KLF11: variants seen among roughly 807,000 people sequenced by gnomAD.
KLF11 encodes KLF transcription factor 11, also known as Krueppel-like factor 11.
Under a neutral mutation model 29.9 loss-of-function variants are expected in KLF11, and 26 were observed. The ratio of observed to expected loss-of-function variants is 0.87; its 90% CI spans 0.64 to 1.21. KLF11 has a LOEUF of 1.21. KLF11 is among the 50% of genes most tolerant of loss of function. The pLI, the probability that KLF11 is intolerant of heterozygous loss-of-function variation, is 0.00. For missense variants in KLF11, 778 were observed against 665.7 expected (o/e 1.17, Z -1.86); for synonymous variants, 318 against 257.4 (o/e 1.24, Z -2.25).
chr2:10,053,958 T>G lies in KLF11; in HGVS notation c.*1451T>G, dbSNP rs545928390. On this transcript the variant is annotated 3_prime_UTR_variant, in exon 4 of 4. Transcript: ENST00000305883. ...GTTAATTACCAGCATTTACCTTTAT[T>G]TAAATGATGGTAAGGTGGAATATTG... The G allele has an allele frequency of 6.6e-6, 1 of 152,412 alleles. No individual in the cohort carries two copies. Among genetic ancestry groups the G allele is most frequent in the South Asian group, 2.1e-4 (1 of 4,832 alleles). The allele number at this position is 152,412 out of a possible 1,614,324, so 9.4% of individuals were successfully genotyped here. A position where few individuals can be genotyped will look rare whatever the true frequency, so the allele number is the denominator to read the frequency against.
intron 3 of KLF11, among the ~76,000 whole-genome samples, chr2:10,051,931 A>G (rs369196546): frequency 7.9e-5 from 12 of 152,300 alleles, no homozygotes; most frequent in Admixed American, 3.9e-4. Flanking sequence ...CAGCCTCCCA[A>G]AGTGCTGCGA....
At chr2:10,043,865 A>G (rs2125274574) in intron 1 of KLF11, 107 bp downstream of exon 1, 3 of 1,131,254 alleles carry the variant, frequency 2.7e-6, no homozygotes, top group Non-Finnish European at 3.3e-6. Flanking sequence ...TGGGGCGTGC[A>G]GGGCTTCGCT....
At position 10,044,163 on chromosome 2, in the gene KLF11, T is replaced by C. The variant is rs1317721663; in HGVS notation, c.42+405T>C. On this transcript the variant is annotated intron_variant, in intron 1 of 3. Coordinates refer to ENST00000305883, the MANE Select transcript of KLF11 (RefSeq NM_003597.5). ...TGCTGGCGGGAACGCGGCACGGTTTTGGGGGCGGGGCACGCGGCCGTCGGG... is the reference window on the plus strand; with the variant it reads ...TGCTGGCGGGAACGCGGCACGGTTTCGGGGGCGGGGCACGCGGCCGTCGGG... 2.2e-4 allele frequency: 128 copies of C among 572,836 alleles called. No individual in the cohort carries two copies. In the African/African-American group the frequency reaches 6.3e-3, roughly 28 times the overall value. 35.5% of individuals were successfully genotyped at this position (572,836 alleles called of 1,614,324 possible).
At position 10,046,216 on chromosome 2, in the gene KLF11, T is replaced by TG. The variant is rs751475306; in HGVS notation, c.110dup (p.Cys37TrpfsTer29). 1 of 1,614,198 alleles carries TG rather than the reference T, an allele frequency of 6.2e-7. No individual in the cohort carries two copies. Among genetic ancestry groups the TG allele is most frequent in the Non-Finnish European group, 8.5e-7 (1 of 1,180,038 alleles). On this transcript the variant is annotated frameshift_variant, in exon 2 of 4. Coordinates refer to ENST00000305883, the MANE Select transcript of KLF11 (RefSeq NM_003597.5). LOFTEE classifies it high-confidence loss of function. ...GCGGCATGACAGCGAAAGGTCTACT[T>TG]GCAGCATCTTGGAGCAGACAGACAT...
In KLF11 at chr2:10,046,542, G is replaced by T. The variant is rs887406514; in HGVS notation, c.312+123G>T. ...GGCAAATAAGTTGCGTATCCTCTCT[G>T]TGTGGGTCTGAAGGAGTAGAAACTC... On this transcript the variant is annotated intron_variant, in intron 2 of 3. Transcript: ENST00000305883. 5 of 1,084,810 alleles carry T rather than the reference G, an allele frequency of 4.6e-6. No individual in the cohort carries two copies. In the Admixed American group the frequency reaches 5.8e-5, roughly 13 times the overall value. The allele number at this position is 1,084,810 out of a possible 1,614,324, so 67.2% of individuals were successfully genotyped here.
At chr2:10,046,119 C>G (rs962059701) in intron 1 of KLF11, 31 bp from the exon 2 acceptor site, 1 of 1,612,512 alleles carries the variant, frequency 6.2e-7, no homozygotes, top group Non-Finnish European at 8.5e-7. Context: ...TTCCCCTGCA[C>G]TGAGAAGCCG....
At position 10,043,575 on chromosome 2, in the gene KLF11, G is replaced by A. The variant is rs1394956243; in HGVS notation, c.-142G>A. ...GCCGCGAGGGCCGCGCCGGGGCAGA[G>A]CCGCGCGGGCGGGCGAGGCGCGTGC... On this transcript the variant is annotated 5_prime_UTR_variant, in exon 1 of 4. Transcript: ENST00000305883. The A allele has an allele frequency of 2.1e-5, 9 of 423,632 alleles. No individual in the cohort carries two copies. The highest frequency in any genetic ancestry group is 2.5e-5 in the Non-Finnish European group (8 of 320,018). The allele number at this position is 423,632 out of a possible 1,614,324, so 26.2% of individuals were successfully genotyped here.
At position 10,043,643 on chromosome 2, in the gene KLF11, A is replaced by C; in HGVS notation, c.-74A>C. The C allele has an allele frequency of 9.5e-7, 1 of 1,051,570 alleles. No individual in the cohort carries two copies. The highest frequency in any genetic ancestry group is 1.2e-6 in the Non-Finnish European group (1 of 860,100). 65.1% of individuals were successfully genotyped at this position (1,051,570 alleles called of 1,614,324 possible). On this transcript the variant is annotated 5_prime_UTR_variant, in exon 1 of 4. Transcript: ENST00000305883. ...GGTTGCCGCCGCCGCCGCCGCCCGC[A>C]GCCCACGTGCGGCCGCTGCTGCGCC...
At chr2:10,048,908 CTTTT>C (rs58347649) in intron 3 of KLF11, among the ~76,000 whole-genome samples, 147 of 121,632 alleles carry the variant, frequency 1.2e-3, no homozygotes, top group African/African-American at 3.4e-3. Flanking sequence ...ACGTTTCATC[CTTTT>C]TTTTTTTTTT....
intron 1 of KLF11, chr2:10,044,506 G>A: frequency 1.1e-6 from 1 of 926,938 alleles, no homozygotes; most frequent in Non-Finnish European, 1.3e-6. Context: ...TAGTGGCGCA[G>A]CCTGCGGGAC....
At position 10,043,654 on chromosome 2, in the gene KLF11, G is replaced by A; in HGVS notation, c.-63G>A. ...CCGCCGCCGCCCGCAGCCCACGTGCGGCCGCTGCTGCGCCCGAGCTCACGC... is the reference window on the plus strand; with the variant it reads ...CCGCCGCCGCCCGCAGCCCACGTGCAGCCGCTGCTGCGCCCGAGCTCACGC... On this transcript the variant is annotated 5_prime_UTR_variant, in exon 1 of 4. Coordinates refer to ENST00000305883, the MANE Select transcript of KLF11 (RefSeq NM_003597.5). 5.1e-6 allele frequency: 6 copies of A among 1,174,224 alleles called. No individual in the cohort carries two copies. Among genetic ancestry groups the A allele is most frequent in the African/African-American group, 1.6e-5 (1 of 60,778 alleles). 72.7% of individuals were successfully genotyped at this position (1,174,224 alleles called of 1,614,324 possible).
intron 3 of KLF11, 25 bp from the exon 4 acceptor site, chr2:10,052,187 CGTTTCCTTTCTCTTT>C (rs1184194532): frequency 7.5e-6 from 12 of 1,595,568 alleles, no homozygotes; most frequent in Non-Finnish European, 1.0e-5. Flanking sequence ...AGGTGCTTAG[CGTTTCCTTTCTCTTT>C]AATATGTATT....
rs775826346 is a variant in KLF11, at chr2:10,052,302, G to T, written c.1334G>T (p.Arg445Leu). Residue 445 changes from arginine to leucine, a missense_variant, in exon 4 of 4, where the codon CGC (arginine) becomes CTC (leucine). By Grantham distance (102) the Arg-to-Leu change is moderately radical (BLOSUM62 -2). Coordinates refer to ENST00000305883, the MANE Select transcript of KLF11 (RefSeq NM_003597.5). ...FARSDELSRH[R>L]RTHTGEKKFV... Reference sequence around the variant, plus strand: ...CGTTCGGATGAGCTGTCACGCCACCGCAGAACTCACACAGGGGAGAAGAAG... The same window carrying T: ...CGTTCGGATGAGCTGTCACGCCACCTCAGAACTCACACAGGGGAGAAGAAG... 1 of 1,614,030 alleles carries T rather than the reference G, an allele frequency of 6.2e-7. No individual in the cohort carries two copies. The highest frequency in any genetic ancestry group is 1.7e-5 in the Admixed American group (1 of 59,994).
Position 10,052,935 on chromosome 2 carries a change from A to G in KLF11, c.*428A>G, listed in dbSNP as rs1661451661. The G allele has an allele frequency of 3.0e-6, 1 of 330,746 alleles. No individual in the cohort carries two copies. The highest frequency in any genetic ancestry group is 2.1e-5 in the African/African-American group (1 of 47,184). 20.5% of individuals were successfully genotyped at this position (330,746 alleles called of 1,614,324 possible). Reference sequence around the variant, plus strand: ...CAAATCACCAATTTCTAGCTAGATCATTTTGCAGCCTTCTTTTCAGTGTTT... The same window carrying G: ...CAAATCACCAATTTCTAGCTAGATCGTTTTGCAGCCTTCTTTTCAGTGTTT... On this transcript the variant is annotated 3_prime_UTR_variant, in exon 4 of 4. Coordinates refer to ENST00000305883, the MANE Select transcript of KLF11 (RefSeq NM_003597.5).
intron 3 of KLF11, among the ~76,000 whole-genome samples, chr2:10,050,846 C>T (rs1301471586): frequency 7.1e-6 from 1 of 140,694 alleles, no homozygotes; most frequent in Non-Finnish European, 1.5e-5. Context: ...TTCTGCCAAC[C>T]TGAAAAATAT....
At position 10,053,603 on chromosome 2, in the gene KLF11, C is replaced by G. The variant is rs1661472680; in HGVS notation, c.*1096C>G. The G allele has an allele frequency of 2.5e-6, 1 of 395,870 alleles. No homozygotes were observed. Among genetic ancestry groups the G allele is most frequent in the Middle Eastern group, 6.4e-4 (1 of 1,568 alleles). The allele number at this position is 395,870 out of a possible 1,614,324, so 24.5% of individuals were successfully genotyped here. A position where few individuals can be genotyped will look rare whatever the true frequency, so the allele number is the denominator to read the frequency against. On this transcript the variant is annotated 3_prime_UTR_variant, in exon 4 of 4. Transcript: ENST00000305883. ...CAAATACTAGAAACACAAGGAAATG[C>G]AAGTTACGCTAAATGGCAGTAATAC...
At chr2:10,051,499 G>C (rs1392854378) in intron 3 of KLF11, among the ~76,000 whole-genome samples, 1 of 140,922 alleles carries the variant, frequency 7.1e-6, no homozygotes, top group Non-Finnish European at 1.6e-5. Context: ...GAGCCACCGT[G>C]CCCAGCTGGA....
At chr2:10,050,010 CTGAA>C (rs574059755) in intron 3 of KLF11, among the ~76,000 whole-genome samples, 9 of 152,182 alleles carry the variant, frequency 5.9e-5, no homozygotes, top group Non-Finnish European at 1.2e-4. Flanking sequence ...TTGGAGGTGA[CTGAA>C]TGAAGTTTTA....
chr2:10,051,734 G>A (rs1244720607), intron 3 of KLF11, among the ~76,000 whole-genome samples: 1 of 142,136 alleles, frequency 7.0e-6, no homozygotes, highest in Admixed American at 7.1e-5. Context: ...AGCCAGGATG[G>A]TCTCGGTCTT....
Sources: gnomAD v4.1 joint callset for allele counts (sites outside exome capture counted in the v4.1 genomes callset) on GRCh38, gnomAD v4.1.1 for gene constraint, MANE v1.5 for transcripts, NCBI Gene and HGNC (gene_info 2026-07-23, HGNC 2026-07-21) for gene names.